Variants in BUB1B observed in about 807,000 individuals in gnomAD.
BUB1B encodes BUB1 mitotic checkpoint serine/threonine kinase B, also known as mitotic checkpoint serine/threonine-protein kinase BUB1 beta.
A neutral mutation model predicts 137.7 loss-of-function variants in BUB1B; 86 were observed. That is an observed-to-expected ratio of 0.62 (90% CI 0.52 to 0.75). The LOEUF (loss-of-function observed/expected upper bound fraction) is 0.75, where lower values mean the gene tolerates loss of function less well. Ranked by LOEUF, BUB1B falls within the 30% of genes least tolerant of loss-of-function variation. The pLI is 0.00. For synonymous variants in BUB1B, 420 were observed against 417.9 expected, an observed-to-expected ratio of 1.00 and a Z score of -0.06; for missense variants, 1,130 against 1,236.9, an observed-to-expected ratio of 0.91 and a Z score of 1.30.
chr15:40,161,331 G>A, intron 1 of BUB1B, 76 bp downstream of exon 1: 3 of 1,526,080 alleles, frequency 2.0e-6, no homozygotes, highest in Non-Finnish European at 2.7e-6. Flanking sequence ...GCTCCGCTCG[G>A]AGCAGTCGAG....
At chr15:40,186,044 A>G (rs963358132) in intron 8 of BUB1B, among the ~76,000 whole-genome samples, 1 of 152,178 alleles carries the variant, frequency 6.6e-6, no homozygotes, top group Admixed American at 6.5e-5. Context: ...ATTCTGGAAG[A>G]TGGATTGAAC....
At chr15:40,212,991 C>G (rs2037733317) in intron 19 of BUB1B, among the ~76,000 whole-genome samples, 1 of 152,136 alleles carries the variant, frequency 6.6e-6, no homozygotes, top group Non-Finnish European at 1.5e-5. Context: ...TGTCATTTTA[C>G]TCTTCGGTTT....
chr15:40,200,426 T>C (rs921886415), intron 11 of BUB1B, 67 bp downstream of exon 11: 2 of 1,194,864 alleles, frequency 1.7e-6, no homozygotes, highest in Non-Finnish European at 2.5e-6. Flanking sequence ...TTTGACTCTC[T>C]AGTGCCTTGA....
intron 4 of BUB1B, 92 bp from the exon 5 acceptor site, chr15:40,176,385 A>G (rs2037223342): frequency 1.8e-6 from 2 of 1,129,790 alleles, no homozygotes; most frequent in African/African-American, 3.1e-5. Context: ...CAATACAGGA[A>G]TTGCATGTAG....
intron 8 of BUB1B, among the ~76,000 whole-genome samples, chr15:40,190,026 A>G (rs1448136441): frequency 1.3e-5 from 2 of 152,092 alleles, no homozygotes; most frequent in African/African-American, 2.4e-5. Flanking sequence ...TGACTGTTTA[A>G]ATCCTTGGCC....
chr15:40,213,546 C>CT, intron 20 of BUB1B, 72 bp downstream of exon 20: 1 of 1,524,918 alleles, frequency 6.6e-7, no homozygotes, highest in South Asian at 1.1e-5. Context: ...TTTTTTTTTT[C>CT]TTTTTTGAGG....
intron 22 of BUB1B, among the ~76,000 whole-genome samples, 179 bp from the exon 23 acceptor site, chr15:40,220,385 G>A (rs1375929946): frequency 1.3e-5 from 2 of 152,078 alleles, no homozygotes; most frequent in Non-Finnish European, 2.9e-5. Context: ...CACTATGGTA[G>A]CCCTTTTTTG....
In BUB1B at chr15:40,220,965, A is replaced by G; in HGVS notation, c.*206A>G. 1 of 613,518 alleles carries G rather than the reference A, an allele frequency of 1.6e-6. No individual in the cohort carries two copies. The highest frequency in any genetic ancestry group is 2.6e-5 in the Admixed American group (1 of 38,008). 38.0% of individuals were successfully genotyped at this position (613,518 alleles called of 1,614,324 possible). ...CTCATGGCCTTGTCTAACTTTTGTG[A>G]AGAACTATTTTATTCTAAACAGACT... On this transcript the variant is annotated 3_prime_UTR_variant, in exon 23 of 23. Coordinates refer to ENST00000287598, the MANE Select transcript of BUB1B (RefSeq NM_001211.6).
At chr15:40,164,941 C>G in intron 1 of BUB1B, 112 bp from the exon 2 acceptor site, 1 of 1,331,644 alleles carries the variant, frequency 7.5e-7, no homozygotes. Context: ...TGTCAGTCCA[C>G]TATATTCAAC....
At position 40,170,651 on chromosome 15, in the gene BUB1B, T is replaced by A. The variant is rs1260735150; in HGVS notation, c.354T>A (p.Asp118Glu). ...AAGGAGAAAAACGATATTATAGTGA[T>A]CCTCGATTTCTCAATCTCTGGCTTA... ...ALQGEKRYYS[D>E]PRFLNLWLKL... The change falls in exon 4 of 23, where the codon GAT becomes GAA. Residue 118 changes from aspartate (D) to glutamate (E), a missense_variant. Physicochemically the swap from Asp to Glu is conservative, Grantham distance 45. Coordinates refer to ENST00000287598, the MANE Select transcript of BUB1B (RefSeq NM_001211.6). 15 of 1,613,662 alleles carry A rather than the reference T, an allele frequency of 9.3e-6. No individual in the cohort carries two copies. The Admixed American group carries it at 2.3e-4, about 25-fold the overall frequency.
chr15:40,210,337 C>A (rs183874012), intron 18 of BUB1B, 127 bp downstream of exon 18: 3 of 780,234 alleles, frequency 3.8e-6, no homozygotes, highest in Non-Finnish European at 6.4e-6. Context: ...ATTAAGTATC[C>A]TTTCAGTTTC....
intron 8 of BUB1B, 69 bp downstream of exon 8, chr15:40,185,711 C>T: frequency 7.0e-7 from 1 of 1,422,802 alleles, no homozygotes; most frequent in Non-Finnish European, 9.9e-7. Flanking sequence ...TATTCTACTT[C>T]CCAAAGGCAG....
chr15:40,210,336 C>T, intron 18 of BUB1B, 126 bp downstream of exon 18: 1 of 789,608 alleles, frequency 1.3e-6, no homozygotes, highest in Non-Finnish European at 2.1e-6. Context: ...TATTAAGTAT[C>T]CTTTCAGTTT....
intron 17 of BUB1B, 150 bp downstream of exon 17, chr15:40,209,925 A>G (rs2037689787): frequency 1.9e-6 from 2 of 1,071,204 alleles, no homozygotes; most frequent in Non-Finnish European, 1.4e-6. Context: ...CAGTAACTTC[A>G]TGTCCTAATA....
intron 4 of BUB1B, among the ~76,000 whole-genome samples, chr15:40,171,479 C>G (rs1005824596): frequency 6.6e-6 from 1 of 152,058 alleles, no homozygotes; most frequent in African/African-American, 2.4e-5. Context: ...CCCGGGACGT[C>G]CAGACTACAG....
In BUB1B at chr15:40,161,268, G is replaced by C. The variant is rs1303625171; in HGVS notation, c.35+13G>C. 2 of 1,611,200 alleles carry C rather than the reference G, an allele frequency of 1.2e-6. No homozygotes were observed. Among genetic ancestry groups the C allele is most frequent in the African/African-American group, 2.7e-5 (2 of 74,998 alleles). On this transcript the variant is annotated intron_variant, in intron 1 of 22. Coordinates refer to ENST00000287598, the MANE Select transcript of BUB1B (RefSeq NM_001211.6). ...GGGGTGCTCTGAGGTAGGTACGGGA[G>C]AAAGCTGCTGGGGGCTGGGCCTGAG...
intron 18 of BUB1B, among the ~76,000 whole-genome samples, chr15:40,212,076 C>G (rs1460642362): frequency 6.6e-6 from 1 of 152,198 alleles, no homozygotes; most frequent in Non-Finnish European, 1.5e-5. Flanking sequence ...GTCAGGTAAT[C>G]CACACGCCTC....
intron 5 of BUB1B, among the ~76,000 whole-genome samples, chr15:40,183,079 TTTACCC>T (rs2037313984): frequency 6.6e-6 from 1 of 152,170 alleles, no homozygotes; most frequent in Admixed American, 6.5e-5. Context: ...TGGGGTTTTT[TTTACCC>T]TTATGATAAT....
At chr15:40,209,352 C>T (rs113298648) in intron 16 of BUB1B, among the ~76,000 whole-genome samples, 26 of 152,336 alleles carry the variant, frequency 1.7e-4, no homozygotes, top group African/African-American at 5.5e-4. Context: ...ACCCGGGAGG[C>T]GGAGCTTGCA....
Sources: allele counts gnomAD v4.1 joint callset (sites outside exome capture counted in the v4.1 genomes callset), GRCh38; gene constraint gnomAD v4.1.1; transcripts MANE v1.5; gene names NCBI Gene and HGNC (gene_info 2026-07-23, HGNC 2026-07-21).